ADAMTS3: variants seen among roughly 807,000 people sequenced by gnomAD.
The protein encoded by ADAMTS3 is A disintegrin and metalloproteinase with thrombospondin motifs 3.
ADAMTS3 carries 73 observed loss-of-function variants against 129.0 expected under a neutral mutation model. The ratio of observed to expected loss-of-function variants is 0.57; its 90% CI spans 0.47 to 0.69. ADAMTS3 has a LOEUF of 0.69. Ranked by LOEUF, ADAMTS3 falls within the 30% of genes least tolerant of loss-of-function variation. ADAMTS3 has a pLI of 0.00. For missense variants in ADAMTS3, 1,457 were observed against 1,514.5 expected (o/e 0.96, Z 0.63); for synonymous variants, 477 against 510.8 (o/e 0.93, Z 0.89).
At chr4:72,439,573 T>A (rs1303410462) in intron 3 of ADAMTS3, among the ~76,000 whole-genome samples, 1 of 151,718 alleles carries the variant, frequency 6.6e-6, no homozygotes, top group Non-Finnish European at 1.5e-5. Context: ...AGTTTCATTT[T>A]TGTTAAAACA....
At chr4:72,377,979 C>T (rs927861525) in intron 4 of ADAMTS3, among the ~76,000 whole-genome samples, 15 of 152,032 alleles carry the variant, frequency 9.9e-5, no homozygotes, top group African/African-American at 3.4e-4. Flanking sequence ...TCTGCATACT[C>T]GGAGTAATGA....
At chr4:72,443,734 A>C (rs1417380640) in intron 3 of ADAMTS3, among the ~76,000 whole-genome samples, 2 of 151,254 alleles carry the variant, frequency 1.3e-5, no homozygotes, top group Non-Finnish European at 3.0e-5. Flanking sequence ...TTGCATTCCC[A>C]TTTGAACCAC....
At chr4:72,522,669 CCA>C (rs1437559013) in intron 3 of ADAMTS3, among the ~76,000 whole-genome samples, 2 of 152,104 alleles carry the variant, frequency 1.3e-5, no homozygotes. Flanking sequence ...TTTCAGTCTC[CCA>C]CACACAGTTT....
chr4:72,390,317 T>C (rs1473821309), intron 4 of ADAMTS3, among the ~76,000 whole-genome samples: 1 of 152,174 alleles, frequency 6.6e-6, no homozygotes, highest in Non-Finnish European at 1.5e-5. Context: ...TAATAATAAG[T>C]ACATTTATTT....
intron 3 of ADAMTS3, among the ~76,000 whole-genome samples, chr4:72,472,470 C>T (rs1719097543): frequency 1.3e-5 from 2 of 152,088 alleles, no homozygotes; most frequent in South Asian, 2.1e-4. Flanking sequence ...CATTCTCAAG[C>T]TTCCATGAAA....
At chr4:72,399,506 G>A (rs547185339) in intron 4 of ADAMTS3, among the ~76,000 whole-genome samples, 3 of 152,170 alleles carry the variant, frequency 2.0e-5, no homozygotes, top group African/African-American at 7.2e-5. Flanking sequence ...TCATTCATTT[G>A]TTCAATCAAT....
intron 3 of ADAMTS3, among the ~76,000 whole-genome samples, chr4:72,546,426 T>G (rs907433453): frequency 1.5e-4 from 22 of 146,900 alleles, no homozygotes; most frequent in African/African-American, 4.7e-4. Flanking sequence ...AGTGATTTCA[T>G]CTGAACGAAG....
chr4:72,463,444 T>C (rs181086884), intron 3 of ADAMTS3, among the ~76,000 whole-genome samples: 118 of 152,106 alleles, frequency 7.8e-4, no homozygotes, highest in African/African-American at 2.6e-3. Context: ...GAAGCATACA[T>C]TGTAATCACT....
At chr4:72,550,102 A>AGAG (rs1721605949) in intron 2 of ADAMTS3, among the ~76,000 whole-genome samples, 2 of 136,638 alleles carry the variant, frequency 1.5e-5, no homozygotes, top group Admixed American at 7.3e-5. Context: ...AAGAAGAAGA[A>AGAG]GAAGAAGAAG....
At chr4:72,292,447 G>A (rs889711328) in intron 19 of ADAMTS3, among the ~76,000 whole-genome samples, 5 of 152,216 alleles carry the variant, frequency 3.3e-5, no homozygotes, top group Admixed American at 3.3e-4. Flanking sequence ...CAAGAGGTAA[G>A]GGTGGTGTGC....
intron 3 of ADAMTS3, among the ~76,000 whole-genome samples, chr4:72,518,776 C>A (rs1230729066): frequency 6.7e-6 from 1 of 150,134 alleles, no homozygotes; most frequent in Non-Finnish European, 1.5e-5. Context: ...ACTGATGGGT[C>A]TTGACTCTTT....
chr4:72,483,069 C>T (rs968007765), intron 3 of ADAMTS3, among the ~76,000 whole-genome samples: 4 of 152,008 alleles, frequency 2.6e-5, no homozygotes, highest in African/African-American at 7.2e-5. Context: ...TGACTGAATG[C>T]AATTTTCCTA....
chr4:72,479,861 A>G (rs1719375702), intron 3 of ADAMTS3, among the ~76,000 whole-genome samples: 1 of 152,174 alleles, frequency 6.6e-6, no homozygotes, highest in Non-Finnish European at 1.5e-5. Flanking sequence ...ACAAACAAAC[A>G]ACCCCATCAA....
chr4:72,528,351 T>C (rs72656058), intron 3 of ADAMTS3, among the ~76,000 whole-genome samples: 47,907 of 151,814 alleles, frequency 0.32, 7,689 homozygotes, highest in Middle Eastern at 0.35. Context: ...TTCAAAGTAG[T>C]TAAAAGAGAG....
intron 4 of ADAMTS3, among the ~76,000 whole-genome samples, chr4:72,359,534 GGAAAAGGCCAT>G (rs1295547429): frequency 6.6e-6 from 1 of 151,868 alleles, no homozygotes; most frequent in Non-Finnish European, 1.5e-5. Context: ...TGTAGTATGG[GGAAAAGGCCAT>G]GAAATATAAA....
chr4:72,385,280 C>T (rs1019320840), intron 4 of ADAMTS3, among the ~76,000 whole-genome samples: 4 of 151,486 alleles, frequency 2.6e-5, no homozygotes, highest in Non-Finnish European at 5.9e-5. Context: ...TCTAAGGACA[C>T]CTGAAAATTC....
intron 3 of ADAMTS3, among the ~76,000 whole-genome samples, chr4:72,458,822 A>G (rs1340205096): frequency 2.0e-5 from 3 of 151,514 alleles, no homozygotes; most frequent in Non-Finnish European, 4.4e-5. Flanking sequence ...CGTAAGTGCC[A>G]CACCATTTTC....
Position 72,530,519 on chromosome 4 carries a change from A to T in ADAMTS3, c.504+17959T>A, listed in dbSNP as rs187398258. Among the ~76,000 whole-genome samples the T allele has an allele frequency of 3.2e-3, 284 of 89,186 alleles. 2 individuals are homozygous for T. The highest frequency in any genetic ancestry group is 0.013 in the African/African-American group (273 of 21,742). The allele number at this position is 89,186 out of a possible 152,430, so 58.5% of individuals were successfully genotyped here. ...ATATACAAATATATATTTATATATAAATATATTAATTTAATATATATTAAT... is the reference window on the plus strand; with the variant it reads ...ATATACAAATATATATTTATATATATATATATTAATTTAATATATATTAAT... On this transcript the variant is annotated intron_variant, in intron 3 of 21. Coordinates refer to ENST00000286657, the MANE Select transcript of ADAMTS3 (RefSeq NM_014243.3).
chr4:72,469,359 G>C lies in ADAMTS3; in HGVS notation c.505-54388C>G, dbSNP rs79423308. Among the ~76,000 whole-genome samples the C allele has an allele frequency of 9.5e-3, 1,439 of 152,206 alleles. 19 individuals carry two copies. The highest frequency in any genetic ancestry group is 0.033 in the African/African-American group (1,383 of 41,546). On this transcript the variant is annotated intron_variant, in intron 3 of 21. Transcript: ENST00000286657. ...GTTTGAATTCATACTCCAACCCATA[G>C]AAGTGATGTTGTTTCAGGCTCATTG...
Sources: gnomAD v4.1 joint callset for allele counts (sites outside exome capture counted in the v4.1 genomes callset) on GRCh38, gnomAD v4.1.1 for gene constraint, MANE v1.5 for transcripts, NCBI Gene and HGNC (gene_info 2026-07-23, HGNC 2026-07-21) for gene names.